ADK: variants seen among roughly 807,000 people sequenced by gnomAD.
The protein encoded by ADK is N6,N6-dimethyladenosine kinase.
A neutral mutation model predicts 44.7 loss-of-function variants in ADK; 24 were observed. The observed-to-expected ratio is 0.54, with a 90% CI of 0.39 to 0.76. The LOEUF is 0.76. Ranked by LOEUF, ADK falls within the 30% of genes least tolerant of loss-of-function variation. The probability of loss-of-function intolerance (pLI) is 0.00; values close to 1 mark genes in which losing one functional copy is unlikely to be tolerated. For synonymous variants in ADK, 128 were observed against 142.6 expected (o/e 0.90, Z 0.73); for missense variants, 321 against 425.1 (o/e 0.76, Z 2.15).
chr10:74,303,585 G>GTGTTTTTTTTTTTTTTTTTTTTTT (rs1840134756), intron 3 of ADK, among the ~76,000 whole-genome samples: 1 of 64,676 alleles, frequency 1.5e-5, no homozygotes, highest in African/African-American at 1.0e-4. Flanking sequence ...TGGTTTTAAT[G>GTGTTTTTTTTTTTTTTTTTTTTTT]TTGTTTTTTT....
At chr10:74,356,002 A>ATTTTTTT (rs34454856) in intron 4 of ADK, among the ~76,000 whole-genome samples, 7 of 83,286 alleles carry the variant, frequency 8.4e-5, no homozygotes, top group African/African-American at 3.6e-4. Flanking sequence ...TAAATAATTC[A>ATTTTTTT]TTTTTTTTTT....
chr10:74,220,826 A>G (rs1051433940), intron 2 of ADK, among the ~76,000 whole-genome samples: 1 of 152,162 alleles, frequency 6.6e-6, no homozygotes, highest in African/African-American at 2.4e-5. Flanking sequence ...ACAACCCTTC[A>G]TGCTAAAAAT....
At chr10:74,301,348 A>G (rs192494947) in intron 3 of ADK, among the ~76,000 whole-genome samples, 164 of 152,008 alleles carry the variant, frequency 1.1e-3, no homozygotes, top group African/African-American at 3.9e-3. Context: ...CCCCATCTCT[A>G]CTAAAAATAC....
At chr10:74,236,954 C>T (rs1228400051) in intron 3 of ADK, among the ~76,000 whole-genome samples, 1 of 152,150 alleles carries the variant, frequency 6.6e-6, no homozygotes, top group Non-Finnish European at 1.5e-5. Context: ...AAGTTACAAT[C>T]ATTTTGCTGG....
At chr10:74,319,497 C>T (rs1238846066) in intron 4 of ADK, among the ~76,000 whole-genome samples, 1 of 152,150 alleles carries the variant, frequency 6.6e-6, no homozygotes, top group Non-Finnish European at 1.5e-5. Context: ...TTAAGGCCTA[C>T]CTTACTGCCC....
At chr10:74,414,011 C>T (rs538359192) in intron 6 of ADK, among the ~76,000 whole-genome samples, 1 of 152,238 alleles carries the variant, frequency 6.6e-6, no homozygotes, top group East Asian at 1.9e-4. Flanking sequence ...GTTAAGTTCA[C>T]CATCTTCTAT....
chr10:74,356,832 G>A (rs1288824936), intron 4 of ADK, among the ~76,000 whole-genome samples: 1 of 152,154 alleles, frequency 6.6e-6, no homozygotes, highest in Non-Finnish European at 1.5e-5. Context: ...TCTAAGGAGA[G>A]GCATTTACAG....
intron 6 of ADK, among the ~76,000 whole-genome samples, chr10:74,494,756 G>A (rs576849753): frequency 2.1e-4 from 32 of 151,984 alleles, no homozygotes; most frequent in African/African-American, 7.5e-4. Flanking sequence ...TCTGCCTCCC[G>A]GGCTCAAGCG....
chr10:74,659,464 A>G (rs1283928413), intron 9 of ADK, among the ~76,000 whole-genome samples: 1 of 152,178 alleles, frequency 6.6e-6, no homozygotes, highest in Non-Finnish European at 1.5e-5. Context: ...ACCACAAACA[A>G]TGATGTAGAG....
intron 4 of ADK, among the ~76,000 whole-genome samples, chr10:74,321,959 A>G (rs929161874): frequency 1.3e-5 from 2 of 152,244 alleles, no homozygotes; most frequent in African/African-American, 2.4e-5. Context: ...TGATATTTCA[A>G]GAACTACCAA....
intron 1 of ADK, among the ~76,000 whole-genome samples, chr10:74,178,008 C>G (rs1476606120): frequency 2.0e-5 from 3 of 149,818 alleles, no homozygotes; most frequent in African/African-American, 7.4e-5. Context: ...ATGGCGCGCT[C>G]TCTGCTCACT....
chr10:74,552,424 G>A (rs944636339), intron 7 of ADK, among the ~76,000 whole-genome samples: 2 of 152,148 alleles, frequency 1.3e-5, no homozygotes, highest in East Asian at 3.8e-4. Context: ...GGTTAAGGCA[G>A]TTCAAATAGT....
intron 9 of ADK, among the ~76,000 whole-genome samples, chr10:74,605,087 T>G (rs573657323): frequency 3.9e-5 from 6 of 152,338 alleles, no homozygotes; most frequent in Admixed American, 2.0e-4. Context: ...TTTTGCACAT[T>G]GATTTTGTAT....
intron 4 of ADK, among the ~76,000 whole-genome samples, chr10:74,369,649 T>C (rs1425537984): frequency 6.6e-6 from 1 of 152,192 alleles, no homozygotes; most frequent in Admixed American, 6.5e-5. Context: ...CTCAACCTGA[T>C]AATTAGCATC....
intron 6 of ADK, among the ~76,000 whole-genome samples, chr10:74,433,060 A>G (rs1212731584): frequency 3.3e-5 from 5 of 152,182 alleles, no homozygotes; most frequent in South Asian, 2.1e-4. Context: ...CTTTGGCTCT[A>G]TGCATGCACA....
At chr10:74,201,664 G>T (rs1481684979) in intron 2 of ADK, among the ~76,000 whole-genome samples, 1 of 115,934 alleles carries the variant, frequency 8.6e-6, no homozygotes, top group African/African-American at 3.8e-5. Context: ...ATGTATGTAT[G>T]TATGTATGTA....
chr10:74,425,015 T>C (rs1844741506), intron 6 of ADK, among the ~76,000 whole-genome samples: 1 of 152,244 alleles, frequency 6.6e-6, no homozygotes, highest in African/African-American at 2.4e-5. Flanking sequence ...TTGTTTCTGC[T>C]GGCTGTTACT....
At chr10:74,211,802 A>G (rs1231038482) in intron 2 of ADK, among the ~76,000 whole-genome samples, 1 of 152,186 alleles carries the variant, frequency 6.6e-6, no homozygotes, top group Non-Finnish European at 1.5e-5. Flanking sequence ...GATATTAACC[A>G]GTACAGCTTA....
At chr10:74,283,763 A>C in intron 3 of ADK, among the ~76,000 whole-genome samples, 1 of 137,684 alleles carries the variant, frequency 7.3e-6, no homozygotes. Context: ...TCACTGCAAG[A>C]TCCGCCTCCT....
Sources: gnomAD v4.1 joint callset for allele counts (sites outside exome capture counted in the v4.1 genomes callset) on GRCh38, gnomAD v4.1.1 for gene constraint, MANE v1.5 for transcripts, NCBI Gene and HGNC (gene_info 2026-07-23, HGNC 2026-07-21) for gene names.